FMN1: variants seen among roughly 807,000 people sequenced by gnomAD.
FMN1 encodes formin 1.
FMN1 carries 110 observed loss-of-function variants against 132.4 expected under a neutral mutation model. The ratio of observed to expected loss-of-function variants is 0.83; its 90% CI spans 0.71 to 0.97. FMN1 has a LOEUF of 0.97. FMN1 is among the 50% of genes least tolerant of loss of function. FMN1 has a pLI of 0.00. For synonymous variants in FMN1, 722 were observed against 651.7 expected, an observed-to-expected ratio of 1.11 and a Z score of -1.64; for missense variants, 1,792 against 1,705.3, an observed-to-expected ratio of 1.05 and a Z score of -0.90.
intron 9 of FMN1, among the ~76,000 whole-genome samples, chr15:32,961,553 CTATTAAAAA>C (rs2030555355): frequency 6.6e-6 from 1 of 152,122 alleles, no homozygotes; most frequent in Non-Finnish European, 1.5e-5. Context: ...ATTTCTGCTA[CTATTAAAAA>C]TAAGAAAAAC....
chr15:32,819,777 A>G (rs1367072219), intron 17 of FMN1, among the ~76,000 whole-genome samples: 1 of 152,198 alleles, frequency 6.6e-6, no homozygotes, highest in Non-Finnish European at 1.5e-5. Flanking sequence ...TCTCATTTTG[A>G]CGAGGAAAAA....
chr15:33,150,552 T>A (rs1964401342), intron 4 of FMN1: 1 of 985,304 alleles, frequency 1.0e-6, no homozygotes, highest in African/African-American at 1.7e-5. Flanking sequence ...CTCTGTGACA[T>A]CCTTATGCTA....
At chr15:33,110,950 C>G (rs345765) in intron 4 of FMN1, among the ~76,000 whole-genome samples, 11 of 151,940 alleles carry the variant, frequency 7.2e-5, no homozygotes, top group Non-Finnish European at 1.6e-4. Flanking sequence ...TGCCTTTGTA[C>G]AGCAATTATG....
intron 16 of FMN1, among the ~76,000 whole-genome samples, chr15:32,878,670 C>T (rs2059693197): frequency 6.6e-6 from 1 of 152,108 alleles, no homozygotes; most frequent in Non-Finnish European, 1.5e-5. Context: ...GAGCAGGTAG[C>T]CTTACACTCA....
chr15:33,099,115 CA>C (rs751078258), intron 4 of FMN1, among the ~76,000 whole-genome samples: 1 of 151,652 alleles, frequency 6.6e-6, no homozygotes, highest in Admixed American at 6.6e-5. Context: ...ACTCCATCTA[CA>C]AAAAAAAGAC....
intron 7 of FMN1, among the ~76,000 whole-genome samples, chr15:32,995,186 G>T (rs1483802295): frequency 2.0e-5 from 3 of 151,884 alleles, no homozygotes. Flanking sequence ...GGAGATATAG[G>T]TCATGCCATA....
chr15:33,099,432 T>G (rs1313554981), intron 4 of FMN1, among the ~76,000 whole-genome samples: 1 of 152,216 alleles, frequency 6.6e-6, no homozygotes, highest in African/African-American at 2.4e-5. Flanking sequence ...CTAGGGTGAT[T>G]GCTACATGAT....
chr15:33,103,857 A>C (rs1346633330), intron 4 of FMN1, among the ~76,000 whole-genome samples: 3 of 152,108 alleles, frequency 2.0e-5, no homozygotes, highest in Non-Finnish European at 4.4e-5. Flanking sequence ...GCATCTTATC[A>C]CTATCTGAAA....
At chr15:32,901,525 T>G (rs768436433) in intron 13 of FMN1, among the ~76,000 whole-genome samples, 1 of 152,190 alleles carries the variant, frequency 6.6e-6, no homozygotes, top group Non-Finnish European at 1.5e-5. Context: ...TCTTATTAGG[T>G]TGACACATTT....
chr15:33,023,934 A>G (rs1199635217), intron 6 of FMN1, among the ~76,000 whole-genome samples: 1 of 152,224 alleles, frequency 6.6e-6, no homozygotes. Flanking sequence ...AAAATATACC[A>G]GAATCGTGTC....
In FMN1 at chr15:32,937,780, C is replaced by G. The variant is rs984233659; in HGVS notation, c.3139-11519G>C. ...TTCATAATTGGAGGACAGTACCAAA[C>G]AAACTACAAGGAAAAGAATTAGAAA... On this transcript the variant is annotated intron_variant, in intron 9 of 20. Coordinates refer to ENST00000616417, the MANE Select transcript of FMN1 (RefSeq NM_001277313.2). Among the ~76,000 whole-genome samples, 3 of 152,184 alleles carry G rather than the reference C, an allele frequency of 2.0e-5. No homozygotes were observed. The South Asian group carries it at 6.2e-4, about 32-fold the overall frequency.
At chr15:32,858,461 T>A (rs2059186745) in intron 16 of FMN1, among the ~76,000 whole-genome samples, 1 of 152,226 alleles carries the variant, frequency 6.6e-6, no homozygotes, top group South Asian at 2.1e-4. Flanking sequence ...AAGGTCAGAA[T>A]CACCTACATT....
intron 18 of FMN1, among the ~76,000 whole-genome samples, chr15:32,800,173 C>A (rs1432811259): frequency 6.6e-6 from 1 of 152,088 alleles, no homozygotes; most frequent in Non-Finnish European, 1.5e-5. Flanking sequence ...TACGATTAGG[C>A]GAGATCCAAG....
At chr15:32,964,806 T>G (rs1187459864) in intron 8 of FMN1, among the ~76,000 whole-genome samples, 1 of 152,192 alleles carries the variant, frequency 6.6e-6, no homozygotes, top group Non-Finnish European at 1.5e-5. Flanking sequence ...GCTGTGCCTA[T>G]TTTAAAATAC....
intron 6 of FMN1, among the ~76,000 whole-genome samples, chr15:33,017,549 G>A (rs921259620): frequency 2.6e-5 from 4 of 152,030 alleles, no homozygotes; most frequent in Admixed American, 2.6e-4. Flanking sequence ...CTTACAGAAA[G>A]GAGCCTAATT....
chr15:32,986,603 TA>T (rs2033086402), intron 7 of FMN1, among the ~76,000 whole-genome samples: 1 of 152,116 alleles, frequency 6.6e-6, no homozygotes, highest in Non-Finnish European at 1.5e-5. Context: ...CTTAACCAGT[TA>T]AAATAATAAA....
At position 32,785,225 on chromosome 15, in the gene FMN1, T is replaced by A. The variant is rs1243893827; in HGVS notation, c.4131-8306A>T. Among the ~76,000 whole-genome samples the A allele has an allele frequency of 4.2e-3, 452 of 106,434 alleles. 45 individuals carry two copies. Among genetic ancestry groups the A allele is most frequent in the South Asian group, 0.013 (41 of 3,206 alleles). The allele number at this position is 106,434 out of a possible 152,430, so 69.8% of individuals were successfully genotyped here. ...GTATATATATATATATATATTTTTT[T>A]TTTTTTTTTTTTGTAGAGATGAGGT... On this transcript the variant is annotated intron_variant, in intron 19 of 20. Transcript: ENST00000616417.
intron 4 of FMN1, among the ~76,000 whole-genome samples, chr15:33,120,976 C>CCCATTG (rs777030285): frequency 7.9e-5 from 12 of 152,116 alleles, no homozygotes; most frequent in Non-Finnish European, 1.5e-4. Context: ...CTCTTTTCCT[C>CCCATTG]CCATTGCTTC....
chr15:33,077,777 A>C (rs1459103642), intron 5 of FMN1, among the ~76,000 whole-genome samples: 3 of 146,250 alleles, frequency 2.1e-5, no homozygotes, highest in Non-Finnish European at 4.5e-5. Context: ...ATCTACAAAG[A>C]ACTCAAACAA....
Sources: allele counts gnomAD v4.1 joint callset (sites outside exome capture counted in the v4.1 genomes callset), GRCh38; gene constraint gnomAD v4.1.1; transcripts MANE v1.5; gene names NCBI Gene and HGNC (gene_info 2026-07-23, HGNC 2026-07-21).